ERBB4: variants seen among roughly 807,000 people sequenced by gnomAD.
The protein encoded by ERBB4 is erb-b2 receptor tyrosine kinase 4.
In ERBB4, 42 loss-of-function variants were observed where a neutral mutation model predicts 158.0. The ratio of observed to expected loss-of-function variants is 0.27; its 90% confidence interval spans 0.21 to 0.34. The LOEUF is 0.34. ERBB4 is among the 10% of genes least tolerant of loss of function. The pLI is 1.00. For missense variants in ERBB4, 1,333 were observed against 1,624.1 expected, an observed-to-expected ratio of 0.82 and a Z score of 3.08; for synonymous variants, 583 against 558.7, an observed-to-expected ratio of 1.04 and a Z score of -0.61.
At position 211,721,228 on chromosome 2, in the gene ERBB4, C is replaced by G. The variant is rs187772809; in HGVS notation, c.883+1165G>C. On this transcript the variant is annotated intron_variant, in intron 7 of 27. Transcript: ENST00000342788. ...TCATTTGTGACAACATGTCAGCACT[C>G]TAAAAGTTTCAAATATTGGAGCATT... is the stretch of plus-strand genomic sequence containing the variant. Among the ~76,000 whole-genome samples the G allele has an allele frequency of 1.5e-3, 230 of 152,152 alleles. 1 individual carries two copies. Among genetic ancestry groups the G allele is most frequent in the African/African-American group, 5.4e-3 (225 of 41,474 alleles).
intron 20 of ERBB4, among the ~76,000 whole-genome samples, chr2:211,510,895 A>G (rs780952198): frequency 2.0e-5 from 3 of 151,996 alleles, no homozygotes; most frequent in Non-Finnish European, 2.9e-5. Flanking sequence ...GCTAGAGTAT[A>G]TTTATATCTT....
At chr2:211,856,683 A>T (rs11898491) in intron 3 of ERBB4, among the ~76,000 whole-genome samples, 1 of 151,910 alleles carries the variant, frequency 6.6e-6, no homozygotes, top group Non-Finnish European at 1.5e-5. Flanking sequence ...CACTGCGCCC[A>T]GCCTAGTCTT....
intron 1 of ERBB4, among the ~76,000 whole-genome samples, chr2:212,195,169 AG>A (rs1478541998): frequency 1.3e-5 from 2 of 151,992 alleles, no homozygotes; most frequent in Non-Finnish European, 2.9e-5. Flanking sequence ...AGATAGTAAC[AG>A]GATCCTCATT....
intron 12 of ERBB4, among the ~76,000 whole-genome samples, chr2:211,686,019 A>AT (rs1286590946): frequency 6.6e-6 from 1 of 152,086 alleles, no homozygotes. Context: ...GTTTTTGTAG[A>AT]TTTTTTGAAA....
chr2:211,494,722 A>G (rs2065428035), intron 20 of ERBB4, among the ~76,000 whole-genome samples: 1 of 152,212 alleles, frequency 6.6e-6, no homozygotes, highest in East Asian at 1.9e-4. Flanking sequence ...ATCACTTGTT[A>G]GTTTAGATAA....
intron 25 of ERBB4, among the ~76,000 whole-genome samples, chr2:211,415,408 C>G (rs995069781): frequency 1.3e-5 from 2 of 152,082 alleles, no homozygotes; most frequent in East Asian, 1.9e-4. Flanking sequence ...CGTGAGCCAC[C>G]GCGCCCGGCC....
At chr2:211,456,665 G>T in intron 20 of ERBB4, among the ~76,000 whole-genome samples, 1 of 152,240 alleles carries the variant, frequency 6.6e-6, no homozygotes, top group Admixed American at 6.5e-5. Context: ...GTTCGTGGAA[G>T]ACAATTTTTC....
intron 12 of ERBB4, among the ~76,000 whole-genome samples, chr2:211,679,925 T>C (rs2072265920): frequency 6.6e-6 from 1 of 151,984 alleles, no homozygotes; most frequent in African/African-American, 2.4e-5. Context: ...AGTGATCCAC[T>C]CACCTCAGCC....
At chr2:212,014,609 T>G (rs2076465345) in intron 2 of ERBB4, among the ~76,000 whole-genome samples, 1 of 152,150 alleles carries the variant, frequency 6.6e-6, no homozygotes, top group Admixed American at 6.5e-5. Flanking sequence ...GGCATTTATT[T>G]TTAATTTCTT....
chr2:212,104,729 C>A (rs1271100571), intron 2 of ERBB4, among the ~76,000 whole-genome samples: 1 of 152,088 alleles, frequency 6.6e-6, no homozygotes, highest in Non-Finnish European at 1.5e-5. Flanking sequence ...CTCACAAAAA[C>A]AACTTCACAT....
intron 1 of ERBB4, among the ~76,000 whole-genome samples, chr2:212,424,692 G>A (rs2105916428): frequency 6.6e-6 from 1 of 151,922 alleles, no homozygotes; most frequent in South Asian, 2.1e-4. Flanking sequence ...AGATTACCCT[G>A]GATTAACAAA....
intron 1 of ERBB4, among the ~76,000 whole-genome samples, chr2:212,514,809 ATCAG>A (rs1008618508): frequency 2.3e-4 from 35 of 152,290 alleles, no homozygotes; most frequent in African/African-American, 7.2e-4. Context: ...ATCTCAATCA[ATCAG>A]TCAATCAATT....
intron 16 of ERBB4, among the ~76,000 whole-genome samples, chr2:211,631,755 C>T (rs570660038): frequency 6.6e-6 from 1 of 152,038 alleles, no homozygotes; most frequent in East Asian, 1.9e-4. Context: ...ACAGGTGTTA[C>T]CTAAAAAATA....
At chr2:212,225,912 T>C (rs2371569) in intron 1 of ERBB4, among the ~76,000 whole-genome samples, 4,818 of 152,220 alleles carry the variant, frequency 0.032, 94 homozygotes, top group Middle Eastern at 0.058. Flanking sequence ...GAATACACTG[T>C]AGTTTCATTC....
At chr2:211,911,643 C>G (rs976687614) in intron 3 of ERBB4, among the ~76,000 whole-genome samples, 2 of 151,888 alleles carry the variant, frequency 1.3e-5, no homozygotes, top group Non-Finnish European at 2.9e-5. Context: ...CTTGCAGAAG[C>G]CAATGTAAAA....
At position 211,375,864 on chromosome 2, in the gene ERBB4, A is replaced by G; in HGVS notation, c.*7751T>C. On this transcript the variant is annotated 3_prime_UTR_variant, in exon 28 of 28. Coordinates refer to ENST00000342788, the MANE Select transcript of ERBB4 (RefSeq NM_005235.3). ...AATGAGGCAAAGCAGTTCGCATTCT[A>G]TAATTGCCTTGTACAGGTACAATTC... The G allele has an allele frequency of 4.3e-6, 1 of 232,802 alleles. No individual in the cohort carries two copies. The allele number at this position is 232,802 out of a possible 1,614,324, so 14.4% of individuals were successfully genotyped here.
At chr2:211,955,729 C>A (rs550239450) in intron 2 of ERBB4, among the ~76,000 whole-genome samples, 1 of 152,086 alleles carries the variant, frequency 6.6e-6, no homozygotes, top group Admixed American at 6.6e-5. Flanking sequence ...ACAAATGCCA[C>A]GCTGTAACAA....
At chr2:212,127,162 A>G (rs1317449427) in intron 1 of ERBB4, among the ~76,000 whole-genome samples, 1 of 152,224 alleles carries the variant, frequency 6.6e-6, no homozygotes, top group Non-Finnish European at 1.5e-5. Context: ...AATTAAGATG[A>G]GGTAGGTCAT....
intron 19 of ERBB4, among the ~76,000 whole-genome samples, chr2:211,603,186 G>A (rs768946438): frequency 6.6e-6 from 1 of 152,060 alleles, no homozygotes; most frequent in East Asian, 1.9e-4. Flanking sequence ...AGCCGAGATC[G>A]CGTCACTGCA....
Sources: gnomAD v4.1 joint callset for allele counts (sites outside exome capture counted in the v4.1 genomes callset) on GRCh38, gnomAD v4.1.1 for gene constraint, MANE v1.5 for transcripts, NCBI Gene and HGNC (gene_info 2026-07-23, HGNC 2026-07-21) for gene names.